PDE1A: variants seen among roughly 807,000 people sequenced by gnomAD.
PDE1A encodes the protein phosphodiesterase 1A.
Under a neutral mutation model 61.7 loss-of-function variants are expected in PDE1A, and 35 were observed. The observed-to-expected ratio is 0.57, with a 90% CI of 0.43 to 0.75. PDE1A has a LOEUF of 0.75. Ranked by LOEUF, PDE1A falls within the 30% of genes least tolerant of loss-of-function variation. PDE1A has a pLI of 0.00. For missense variants in PDE1A, 597 were observed against 630.6 expected (o/e 0.95, Z 0.57); for synonymous variants, 232 against 213.2 (o/e 1.09, Z -0.77).
the PDE1A span, among the ~76,000 whole-genome samples, chr2:182,651,011 TTTTG>T: frequency 6.6e-6 from 1 of 152,136 alleles, no homozygotes; most frequent in African/African-American, 2.4e-5. Context: ...TTTTGTTTTG[TTTTG>T]TTTTTTTCCA....
intron 1 of PDE1A, among the ~76,000 whole-genome samples, chr2:182,425,143 A>G (rs1703530763): frequency 6.6e-6 from 1 of 152,150 alleles, no homozygotes; most frequent in Admixed American, 6.5e-5. Context: ...CAGCTCTCCA[A>G]AGGGGTAATA....
intron 1 of PDE1A, among the ~76,000 whole-genome samples, chr2:182,302,530 A>C (rs1298977065): frequency 6.6e-6 from 1 of 152,232 alleles, no homozygotes; most frequent in Non-Finnish European, 1.5e-5. Context: ...CCTTTCAGCA[A>C]GTTGTAATCT....
the PDE1A span, among the ~76,000 whole-genome samples, chr2:182,566,127 T>C: frequency 6.6e-6 from 1 of 152,104 alleles, no homozygotes; most frequent in Admixed American, 6.6e-5. Flanking sequence ...TCTAATTCAC[T>C]TACTTGTTTT....
At chr2:182,409,556 A>G (rs1702492962) in intron 1 of PDE1A, among the ~76,000 whole-genome samples, 1 of 152,194 alleles carries the variant, frequency 6.6e-6, no homozygotes, top group Non-Finnish European at 1.5e-5. Flanking sequence ...CATAGCTAAA[A>G]ACCATGAAAA....
chr2:182,169,858 C>T (rs980932115), intron 13 of PDE1A, among the ~76,000 whole-genome samples: 15 of 151,102 alleles, frequency 9.9e-5, no homozygotes, highest in African/African-American at 3.6e-4. Context: ...TTCCTTCTTA[C>T]TTTTGTTGTC....
At chr2:182,593,804 C>G in the PDE1A span, among the ~76,000 whole-genome samples, 1 of 152,090 alleles carries the variant, frequency 6.6e-6, no homozygotes. Context: ...GTATGAACAC[C>G]CAATAAAGGT....
At chr2:182,257,417 C>CTT (rs1461230765) in intron 2 of PDE1A, among the ~76,000 whole-genome samples, 5 of 152,102 alleles carry the variant, frequency 3.3e-5, no homozygotes, top group Admixed American at 1.3e-4. Flanking sequence ...CAGACTAATT[C>CTT]TTTTGTTTTA....
chr2:182,592,535 T>C, the PDE1A span, among the ~76,000 whole-genome samples: 1 of 152,218 alleles, frequency 6.6e-6, no homozygotes. Context: ...TTTTAGATTA[T>C]TTCAATTTTG....
At chr2:182,276,287 C>T (rs927757326) in intron 1 of PDE1A, among the ~76,000 whole-genome samples, 1 of 152,034 alleles carries the variant, frequency 6.6e-6, no homozygotes, top group Admixed American at 6.6e-5. Context: ...AAGTCAGGGA[C>T]CCCAAACGGA....
the PDE1A span, among the ~76,000 whole-genome samples, chr2:182,562,623 A>G: frequency 6.6e-6 from 1 of 152,106 alleles, no homozygotes; most frequent in East Asian, 1.9e-4. Context: ...TAGTTTCAGA[A>G]GGAATGGTAC....
the PDE1A span, among the ~76,000 whole-genome samples, chr2:182,633,594 C>A: frequency 6.6e-6 from 1 of 152,164 alleles, no homozygotes; most frequent in African/African-American, 2.4e-5. Flanking sequence ...TTTCTTCTAG[C>A]AGAAATAGGA....
chr2:182,253,315 T>G (rs1052995471), intron 2 of PDE1A, among the ~76,000 whole-genome samples: 1 of 152,136 alleles, frequency 6.6e-6, no homozygotes, highest in Non-Finnish European at 1.5e-5. Flanking sequence ...TTAAAAACAG[T>G]TAAAAGTAAG....
chr2:182,641,555 T>C, the PDE1A span, among the ~76,000 whole-genome samples: 3 of 152,196 alleles, frequency 2.0e-5, no homozygotes, highest in Admixed American at 1.3e-4. Context: ...CTTTTATTCA[T>C]CTCATTTATA....
At chr2:182,314,136 T>C (rs1181068266) in intron 1 of PDE1A, 1 of 152,126 alleles carries the variant, frequency 6.6e-6, no homozygotes, top group Non-Finnish European at 1.5e-5. Context: ...CAAACCCAAA[T>C]TTTCATCAAC....
At chr2:182,304,571 A>G (rs1695457651) in intron 1 of PDE1A, among the ~76,000 whole-genome samples, 1 of 152,226 alleles carries the variant, frequency 6.6e-6, no homozygotes, top group African/African-American at 2.4e-5. Context: ...GATTTAAAGT[A>G]GGAGACATCT....
the PDE1A span, among the ~76,000 whole-genome samples, chr2:182,626,852 T>C: frequency 3.0e-5 from 1 of 33,426 alleles, no homozygotes. Context: ...TATATACATA[T>C]ATATATACAT....
intron 1 of PDE1A, among the ~76,000 whole-genome samples, chr2:182,267,967 C>T (rs1692752924): frequency 6.6e-6 from 1 of 151,942 alleles, no homozygotes; most frequent in East Asian, 1.9e-4. Flanking sequence ...ATTCTCAGAG[C>T]TGAAAATAAA....
the PDE1A span, among the ~76,000 whole-genome samples, chr2:182,638,295 T>G: frequency 6.6e-6 from 1 of 152,086 alleles, no homozygotes; most frequent in East Asian, 1.9e-4. Flanking sequence ...TCCCAGCACT[T>G]TGGGAGGCCA....
intron 1 of PDE1A, among the ~76,000 whole-genome samples, chr2:182,370,507 A>T (rs1257225316): frequency 6.6e-6 from 1 of 152,150 alleles, no homozygotes; most frequent in Non-Finnish European, 1.5e-5. Context: ...ATGTCAGGCA[A>T]TTTTTCTTAA....
Sources: allele counts gnomAD v4.1 joint callset (sites outside exome capture counted in the v4.1 genomes callset), GRCh38; gene constraint gnomAD v4.1.1; transcripts MANE v1.5; gene names NCBI Gene and HGNC (gene_info 2026-07-23, HGNC 2026-07-21).